Variants in SLC4A4 observed in about 807,000 individuals in gnomAD.
The protein encoded by SLC4A4 is electrogenic sodium bicarbonate cotransporter 1.
In SLC4A4, 27 loss-of-function variants were observed where a neutral mutation model predicts 111.5. That is an observed-to-expected ratio of 0.24 (90% CI 0.18 to 0.33). The LOEUF (loss-of-function observed/expected upper bound fraction) is 0.33, where lower values mean the gene tolerates loss of function less well. SLC4A4 is among the 10% of genes least tolerant of loss of function. SLC4A4 has a pLI of 1.00. For missense variants in SLC4A4, 909 were observed against 1,315.5 expected, an observed-to-expected ratio of 0.69 and a Z score of 4.78; for synonymous variants, 443 against 463.4, an observed-to-expected ratio of 0.96 and a Z score of 0.57.
At chr4:71,255,568 G>A (rs940171056) in intron 3 of SLC4A4, among the ~76,000 whole-genome samples, 169 bp downstream of exon 3, 15 of 152,062 alleles carry the variant, frequency 9.9e-5, no homozygotes, top group African/African-American at 3.6e-4. Context: ...GTACCAGCAG[G>A]TTAATCTAGG....
chr4:71,220,318 C>G (rs1256775366), intron 1 of SLC4A4, among the ~76,000 whole-genome samples: 1 of 152,120 alleles, frequency 6.6e-6, no homozygotes, highest in Non-Finnish European at 1.5e-5. Context: ...AGACATAATG[C>G]TATTGCACAC....
chr4:71,169,785 C>T (rs1404552157), intron 2 of SLC4A4, among the ~76,000 whole-genome samples: 2 of 152,188 alleles, frequency 1.3e-5, no homozygotes, highest in African/African-American at 4.8e-5. Context: ...CAGTTCAGTT[C>T]TAAGAATGAA....
At position 71,376,242 on chromosome 4, in the gene SLC4A4, C is replaced by A. The variant is rs962719587; in HGVS notation, c.730+19055C>A. The stretch of plus-strand genomic sequence containing the variant: ...TTTGAGACGGAGTCTCGCTCTGTCA[C>A]CCAGGCTGGAGTGCAGTGGCGCGAT... On this transcript the variant is annotated intron_variant, in intron 6 of 25. Transcript: ENST00000264485. Among the ~76,000 whole-genome samples the A allele has an allele frequency of 2.6e-5, 4 of 151,652 alleles. No individual in the cohort carries two copies. In the East Asian group the frequency reaches 5.8e-4, roughly 22 times the overall value.
chr4:71,569,823 A>G lies in SLC4A4; in HGVS notation c.*2072A>G. 1 of 151,726 alleles carries G rather than the reference A, an allele frequency of 6.6e-6. No individual in the cohort carries two copies. The highest frequency in any genetic ancestry group is 1.9e-4 in the East Asian group (1 of 5,136). The allele number at this position is 151,726 out of a possible 1,614,324, so 9.4% of individuals were successfully genotyped here. A position where few individuals can be genotyped will look rare whatever the true frequency, so the allele number is the denominator to read the frequency against. On this transcript the variant is annotated 3_prime_UTR_variant, in exon 26 of 26. Coordinates refer to ENST00000264485, the MANE Select transcript of SLC4A4 (RefSeq NM_001098484.3). ...TACTTTTACAGTACCTGATACTCCT[A>G]AAACTTTTAACTTATACAAATTAGT...
chr4:71,321,619 T>G (rs1435448960), intron 3 of SLC4A4, among the ~76,000 whole-genome samples: 2 of 151,900 alleles, frequency 1.3e-5, no homozygotes, highest in East Asian at 3.9e-4. Context: ...TTCTGGCATC[T>G]GGGGAGGGCC....
chr4:71,368,777 G>A (rs528378558), intron 6 of SLC4A4, among the ~76,000 whole-genome samples: 1 of 152,228 alleles, frequency 6.6e-6, no homozygotes, highest in East Asian at 1.9e-4. Context: ...CTGCAGGGTG[G>A]ATCATCCATT....
rs536424225 is a variant in SLC4A4 at position 71,088,756 on chromosome 4, G to A, written c.-64-3974G>A. Among the ~76,000 whole-genome samples the A allele has an allele frequency of 3.3e-5, 5 of 152,156 alleles. No homozygotes were observed. The South Asian group carries it at 1.0e-3, about 32-fold the overall frequency. On this transcript the variant is annotated intron_variant, in intron 1 of 26. Coordinates refer to the SLC4A4 transcript ENST00000649996. ...CCCCCACTCTCTTCTGGCTTGTGAA[G>A]TTTCTGCCGAGAGATCAGCTGTTAG...
chr4:71,355,611 A>G (rs1476828020), intron 5 of SLC4A4, among the ~76,000 whole-genome samples: 1 of 152,214 alleles, frequency 6.6e-6, no homozygotes, highest in East Asian at 1.9e-4. Flanking sequence ...TGTGATGGAA[A>G]ATCCTGGATT....
chr4:71,100,082 A>T (rs1050081380), intron 2 of SLC4A4, among the ~76,000 whole-genome samples: 1 of 152,002 alleles, frequency 6.6e-6, no homozygotes, highest in Non-Finnish European at 1.5e-5. Context: ...AGGAGGATGG[A>T]CTCCTCCCCA....
At chr4:71,390,436 G>A (rs1048650981) in intron 6 of SLC4A4, among the ~76,000 whole-genome samples, 2 of 152,172 alleles carry the variant, frequency 1.3e-5, no homozygotes, top group Non-Finnish European at 2.9e-5. Flanking sequence ...AGCCTGTGGT[G>A]TAATTCTTTT....
At chr4:71,447,012 A>C (rs1474178318) in intron 8 of SLC4A4, among the ~76,000 whole-genome samples, 1 of 152,210 alleles carries the variant, frequency 6.6e-6, no homozygotes, top group African/African-American at 2.4e-5. Context: ...TGAAGAAAAA[A>C]TGTTGGTAAA....
intron 2 of SLC4A4, among the ~76,000 whole-genome samples, chr4:71,142,620 CAG>C (rs987090939): frequency 2.0e-5 from 3 of 152,172 alleles, no homozygotes; most frequent in African/African-American, 7.2e-5. Context: ...TACCTCCTGT[CAG>C]AGGAAATTCA....
upstream of SLC4A4, among the ~76,000 whole-genome samples, chr4:71,185,999 C>T (rs1014911893): frequency 1.3e-5 from 2 of 152,118 alleles, no homozygotes; most frequent in African/African-American, 2.4e-5. Context: ...GGTTGCAATC[C>T]ATTAAGTGAC....
chr4:71,101,618 C>A (rs941952138), intron 2 of SLC4A4, among the ~76,000 whole-genome samples: 1 of 152,134 alleles, frequency 6.6e-6, no homozygotes, highest in African/African-American at 2.4e-5. Flanking sequence ...TGACCCCTGA[C>A]CCCCGAGCAG....
intron 2 of SLC4A4, among the ~76,000 whole-genome samples, chr4:71,137,088 T>A (rs984639867): frequency 1.3e-5 from 2 of 152,182 alleles, no homozygotes; most frequent in Non-Finnish European, 2.9e-5. Context: ...GTTCACCAAC[T>A]TTCCAAGGTG....
At chr4:71,533,425 T>C in intron 17 of SLC4A4, among the ~76,000 whole-genome samples, 1 of 152,164 alleles carries the variant, frequency 6.6e-6, no homozygotes, top group East Asian at 1.9e-4. Context: ...AGTGAGACTT[T>C]CTTGATAGCA....
chr4:71,205,551 A>G (rs764388922), intron 1 of SLC4A4, among the ~76,000 whole-genome samples: 2 of 152,136 alleles, frequency 1.3e-5, no homozygotes, highest in South Asian at 2.1e-4. Context: ...GAATTTGTAT[A>G]TATATTTATT....
At chr4:71,109,402 G>C (rs1190640426) in intron 2 of SLC4A4, among the ~76,000 whole-genome samples, 1 of 150,608 alleles carries the variant, frequency 6.6e-6, no homozygotes, top group East Asian at 2.0e-4. Flanking sequence ...CAAAGGGAGA[G>C]AGGCTTGCAA....
chr4:71,338,902 A>C (rs1156668076), intron 3 of SLC4A4, among the ~76,000 whole-genome samples: 1 of 69,164 alleles, frequency 1.4e-5, no homozygotes, highest in Non-Finnish European at 2.6e-5. Context: ...CATGAGCTTT[A>C]GGCATTGGAC....
Sources: gnomAD v4.1 joint callset for allele counts (sites outside exome capture counted in the v4.1 genomes callset) on GRCh38, gnomAD v4.1.1 for gene constraint, MANE v1.5 for transcripts, NCBI Gene and HGNC (gene_info 2026-07-23, HGNC 2026-07-21) for gene names.